Variants in FBXL5 observed in about 807,000 individuals in gnomAD.
FBXL5 encodes the protein F-box and leucine rich repeat protein 5, also known as F-box/LRR-repeat protein 5.
In FBXL5, 26 loss-of-function variants were observed where a neutral mutation model predicts 78.3. The observed-to-expected ratio is 0.33, with a 90% CI of 0.24 to 0.46. FBXL5 has a LOEUF of 0.46. FBXL5 is among the 20% of genes least tolerant of loss of function. The pLI, the probability that FBXL5 is intolerant of heterozygous loss-of-function variation, is 1.00. For synonymous variants in FBXL5, 295 were observed against 282.5 expected (o/e 1.04, Z -0.45); for missense variants, 710 against 829.2 (o/e 0.86, Z 1.77).
intron 6 of FBXL5, 82 bp downstream of exon 6, chr4:15,630,584 A>T (rs1713523171): frequency 1.6e-6 from 2 of 1,271,338 alleles, no homozygotes. Flanking sequence ...AAAATACATA[A>T]ATCTAATACC....
Position 15,626,902 on chromosome 4 carries a change from C to T in FBXL5, c.1095G>A (p.Gln365=), listed in dbSNP as rs1325929340. Residue 365 remains glutamine (Q), a synonymous_variant, in exon 8 of 11, where the codon CAG becomes CAA. Coordinates refer to ENST00000341285, the MANE Select transcript of FBXL5 (RefSeq NM_012161.4). ...CAAATGCAGAATCTGAAATGTCAGTCTGGGTAAGATCCAGATGCTCCAGGT... is the reference window on the plus strand; with the variant it reads ...CAAATGCAGAATCTGAAATGTCAGTTTGGGTAAGATCCAGATGCTCCAGGT... ...CPNLEHLDLT[Q]TDISDSAFDS... The T allele has an allele frequency of 1.2e-6, 2 of 1,611,582 alleles. No individual in the cohort carries two copies. The highest frequency in any genetic ancestry group is 2.2e-5 in the South Asian group (2 of 90,388).
chr4:15,610,013 G>A (rs954798156), intron 10 of FBXL5, among the ~76,000 whole-genome samples: 2 of 151,798 alleles, frequency 1.3e-5, no homozygotes, highest in East Asian at 1.9e-4. Context: ...TTAGCTAAAC[G>A]TCACTTTCAA....
chr4:15,610,881 T>A (rs546802447), intron 10 of FBXL5, among the ~76,000 whole-genome samples: 1 of 152,236 alleles, frequency 6.6e-6, no homozygotes, highest in South Asian at 2.1e-4. Flanking sequence ...TGATAATATG[T>A]CCTATAAGCC....
intron 9 of FBXL5, among the ~76,000 whole-genome samples, chr4:15,619,941 T>G (rs1243173133): frequency 6.6e-6 from 1 of 152,096 alleles, no homozygotes; most frequent in African/African-American, 2.4e-5. Context: ...CAAGTACACA[T>G]GCCAATAGTC....
chr4:15,627,573 T>C (rs746585991), intron 7 of FBXL5, among the ~76,000 whole-genome samples: 40 of 152,328 alleles, frequency 2.6e-4, no homozygotes, highest in Non-Finnish European at 4.7e-4. Flanking sequence ...TACCATGCCT[T>C]ACATATTATT....
rs374466701 is a variant in FBXL5 at position 15,636,581 on chromosome 4, G to C, written c.679C>G (p.Arg227Gly). The stretch of plus-strand genomic sequence containing the variant: ...CATTTCATGCTTACTTGACTGCATC[G>C]ACATAACTCTTGAGGATTAAGATAG... ...FSYLNPQELC[R>G]CSQVSMKWSQ... The change falls in exon 5 of 11, where the codon CGA becomes GGA. Residue 227 changes from arginine (R) to glycine (G), a missense_variant. By Grantham distance (125) the Arg-to-Gly change is moderately radical (BLOSUM62 -2). Coordinates refer to ENST00000341285, the MANE Select transcript of FBXL5 (RefSeq NM_012161.4). 5.6e-6 allele frequency: 9 copies of C among 1,613,756 alleles called. No homozygotes were observed. Among genetic ancestry groups the C allele is most frequent in the South Asian group, 2.2e-5 (2 of 91,076 alleles).
chr4:15,628,091 CA>C, intron 6 of FBXL5, 58 bp from the exon 7 acceptor site: 3 of 1,501,272 alleles, frequency 2.0e-6, no homozygotes, highest in Non-Finnish European at 2.7e-6. Flanking sequence ...TTAAGCTACT[CA>C]AGCGCTCACC....
intron 1 of FBXL5, among the ~76,000 whole-genome samples, chr4:15,668,461 ATT>A (rs895463355): frequency 1.7e-4 from 26 of 150,160 alleles, no homozygotes; most frequent in Middle Eastern, 6.9e-3. Context: ...ACATTCTTTT[ATT>A]TTTTTTTGTA....
chr4:15,638,938 G>A (rs1714551666), intron 3 of FBXL5, among the ~76,000 whole-genome samples: 1 of 152,172 alleles, frequency 6.6e-6, no homozygotes, highest in African/African-American at 2.4e-5. Flanking sequence ...GCCAAGGCGG[G>A]TAGGTCACCT....
At chr4:15,630,347 C>A (rs1475719296) in intron 6 of FBXL5, among the ~76,000 whole-genome samples, 2 of 150,874 alleles carry the variant, frequency 1.3e-5, no homozygotes, top group Non-Finnish European at 3.0e-5. Context: ...CAACTGATCA[C>A]TTGAAGTGGT....
At chr4:15,612,976 TAAATA>T (rs754212458) in intron 9 of FBXL5, among the ~76,000 whole-genome samples, 7 of 152,180 alleles carry the variant, frequency 4.6e-5, no homozygotes, top group Non-Finnish European at 8.8e-5. Context: ...AATAAATGGA[TAAATA>T]AAATGTGGTA....
chr4:15,678,920 A>C (rs1224980468), intron 1 of FBXL5, among the ~76,000 whole-genome samples: 1 of 152,178 alleles, frequency 6.6e-6, no homozygotes, highest in Admixed American at 6.5e-5. Flanking sequence ...TGATATAATG[A>C]ACAAATGCCT....
Position 15,655,283 on chromosome 4 carries a change from G to C in FBXL5, c.5C>G (p.Ala2Gly). The change falls in exon 1 of 11, where the codon GCG (alanine) becomes GGG (glycine). Residue 2 changes from alanine (A) to glycine (G), a missense_variant. This residue lies in a region of FBXL5 where 132 missense variants were observed against 156.9 expected (regional missense o/e 0.84). Transcript: ENST00000341285. Reference sequence around the variant, plus strand: ...GACGTCCACTTCTTCAGGAAAGGGCGCCATCGCCACTGCCTCAGCCTCCGC... The same window carrying C: ...GACGTCCACTTCTTCAGGAAAGGGCCCCATCGCCACTGCCTCAGCCTCCGC... M[A>G]PFPEEVDVFT... 1 of 1,426,758 alleles carries C rather than the reference G, an allele frequency of 7.0e-7. No individual in the cohort carries two copies. Among genetic ancestry groups the C allele is most frequent in the Non-Finnish European group, 9.3e-7 (1 of 1,069,774 alleles). The allele number at this position is 1,426,758 out of a possible 1,614,324, so 88.4% of individuals were successfully genotyped here. A position where few individuals can be genotyped will look rare whatever the true frequency, so the allele number is the denominator to read the frequency against.
intron 9 of FBXL5, among the ~76,000 whole-genome samples, chr4:15,613,512 T>C (rs1010852269): frequency 6.6e-6 from 1 of 152,090 alleles, no homozygotes; most frequent in South Asian, 2.1e-4. Flanking sequence ...TTCCCTCAAA[T>C]AATATGTTTT....
chr4:15,628,167 T>G (rs1215953710), intron 6 of FBXL5, 134 bp from the exon 7 acceptor site: 1 of 875,436 alleles, frequency 1.1e-6, no homozygotes, highest in African/African-American at 1.8e-5. Context: ...ATCCCATTTT[T>G]AGGCAATGAA....
chr4:15,659,538 G>T (rs1717205729), upstream of FBXL5, among the ~76,000 whole-genome samples: 1 of 152,122 alleles, frequency 6.6e-6, no homozygotes, highest in Non-Finnish European at 1.5e-5. Context: ...TACGTTAACT[G>T]TCCAAATATA....
At chr4:15,610,404 A>G (rs1209685440) in intron 10 of FBXL5, among the ~76,000 whole-genome samples, 4 of 152,150 alleles carry the variant, frequency 2.6e-5, no homozygotes, top group Non-Finnish European at 5.9e-5. Context: ...AAGGAGAGTT[A>G]ATATTGGATT....
intron 6 of FBXL5, among the ~76,000 whole-genome samples, chr4:15,630,237 C>A (rs191244542): frequency 2.1e-3 from 317 of 152,220 alleles, no homozygotes; most frequent in African/African-American, 7.1e-3. Context: ...TCTACAATAA[C>A]CTTATTAGGC....
Position 15,630,750 on chromosome 4 carries a change from G to A in FBXL5, c.808C>T (p.Pro270Ser), listed in dbSNP as rs768793693. 37 of 1,611,282 alleles carry A rather than the reference G, an allele frequency of 2.3e-5. No homozygotes were observed. The highest frequency in any genetic ancestry group is 3.1e-5 in the Non-Finnish European group (37 of 1,179,106). Residue 270 changes from proline (P) to serine (S), a missense_variant, in exon 6 of 11, where the codon CCT becomes TCT. Pro to Ser is a moderately conservative substitution (Grantham distance 74). This residue lies in a region of FBXL5 where 517 missense variants were observed against 542.9 expected (regional missense o/e 0.95). Transcript: ENST00000341285. ...CTATTTTTCACCCATTCATCATCAG[G>A]TTCAGTATCAAGTTCAGTTGCGGGA... is the stretch of plus-strand genomic sequence containing the variant. ...SGPATELDTE[P>S]DDEWVKNRKD...
Sources: gnomAD v4.1 joint callset for allele counts (sites outside exome capture counted in the v4.1 genomes callset) on GRCh38, gnomAD v4.1.1 for gene constraint, gnomAD v4.1.1 regional missense constraint, MANE v1.5 for transcripts, NCBI Gene and HGNC (gene_info 2026-07-23, HGNC 2026-07-21) for gene names.